The following SLC26A6 variants were observed in gnomAD, a reference collection of about 807,000 sequenced individuals.
SLC26A6 encodes solute carrier family 26 member 6, also known as anion exchange transporter.
In SLC26A6, 67 loss-of-function variants were observed where a neutral mutation model predicts 87.1. That is an observed-to-expected ratio of 0.77 (90% confidence interval 0.63 to 0.94). The LOEUF is 0.94. Among genes scored for constraint, SLC26A6 ranks in the 40% least tolerant of loss-of-function variants. SLC26A6 has a pLI of 0.00. For synonymous variants in SLC26A6, 414 were observed against 405.9 expected (o/e 1.02, Z -0.24); for missense variants, 902 against 973.0 (o/e 0.93, Z 0.97).
intron 19 of SLC26A6, 78 bp from the exon 20 acceptor site, chr3:48,626,432 G>A: frequency 6.3e-7 from 1 of 1,599,840 alleles, no homozygotes; most frequent in Non-Finnish European, 8.5e-7. Flanking sequence ...AGAATGCCCT[G>A]ACCTCATCAC....
chr3:48,626,046 A>G lies in SLC26A6; in HGVS notation c.2266-46T>C, dbSNP rs1250986651. 4.3e-6 allele frequency: 7 copies of G among 1,613,528 alleles called. No homozygotes were observed. The East Asian group carries it at 6.7e-5, about 15-fold the overall frequency. ...AGGCTCTAGTCAGTTTCCAAAGGACACAGACCAACCCCCGCCCCTAGAACA... is the reference window on the plus strand; with the variant it reads ...AGGCTCTAGTCAGTTTCCAAAGGACGCAGACCAACCCCCGCCCCTAGAACA... On this transcript the variant is annotated intron_variant, in intron 20 of 20. Transcript: ENST00000395550.
At position 48,625,962 on chromosome 3, in the gene SLC26A6, A is replaced by G. The variant is rs1559463054; in HGVS notation, c.*24T>C. 1 of 1,613,802 alleles carries G rather than the reference A, an allele frequency of 6.2e-7. No individual in the cohort carries two copies. Among genetic ancestry groups the G allele is most frequent in the Non-Finnish European group, 8.5e-7 (1 of 1,179,960 alleles). On this transcript the variant is annotated 3_prime_UTR_variant, in exon 21 of 21. Transcript: ENST00000395550. This position sits in a 1 kb window ranked among gnomAD's most constrained non-coding sequence, Gnocchi z 4.7. ...GGGTGCCCTGCACCTCCAGAGGTGC[A>G]GTCTTGGGCAGGATGTAGCATGTTC... is the stretch of plus-strand genomic sequence containing the variant.
Position 48,628,265 on chromosome 3 carries a change from G to T in SLC26A6, c.1800+169C>A. 2 of 886,006 alleles carry T rather than the reference G, an allele frequency of 2.3e-6. No homozygotes were observed. Among genetic ancestry groups the T allele is most frequent in the Non-Finnish European group, 3.4e-6 (2 of 583,228 alleles). The allele number at this position is 886,006 out of a possible 1,614,324, so 54.9% of individuals were successfully genotyped here. On this transcript the variant is annotated intron_variant, in intron 16 of 20. Transcript: ENST00000395550. The surrounding 1 kb of genome is among the most constrained non-coding windows in gnomAD (Gnocchi z 4.4). Reference sequence around the variant, plus strand: ...TTCAGATGATGGGAGAGAAAATGCTGCCTAGAGCCCGGACCTGCTAGGGGA... The same window carrying T: ...TTCAGATGATGGGAGAGAAAATGCTTCCTAGAGCCCGGACCTGCTAGGGGA...
At chr3:48,632,866 A>G in intron 4 of SLC26A6, 108 bp downstream of exon 4, 1 of 1,100,292 alleles carries the variant, frequency 9.1e-7, no homozygotes, top group Non-Finnish European at 1.4e-6. Context: ...TGCAGCACCA[A>G]TGCTGCCCTC....
intron 3 of SLC26A6, 29 bp from the exon 4 acceptor site, chr3:48,633,113 C>G (rs2046856600): frequency 6.3e-7 from 1 of 1,599,472 alleles, no homozygotes; most frequent in African/African-American, 1.3e-5. Flanking sequence ...CAGTGCAGGC[C>G]TGGAGAGCAG....
intron 19 of SLC26A6, 74 bp from the exon 20 acceptor site, chr3:48,626,428 C>A: frequency 1.2e-6 from 2 of 1,602,768 alleles, no homozygotes; most frequent in Non-Finnish European, 8.5e-7. Flanking sequence ...CAACAGAATG[C>A]CCTGACCTCA....
In SLC26A6 at chr3:48,634,686, G is replaced by A. The variant is rs2046904714; in HGVS notation, c.23+685C>T. On this transcript the variant is annotated intron_variant, in intron 1 of 20. Coordinates refer to ENST00000395550, the MANE Select transcript of SLC26A6 (RefSeq NM_022911.3). ...TCAGGAAAGTTCTGATCTAGGAAAA[G>A]CCCTGACCTGGGGAGAGGATCCCAT... is the stretch of plus-strand genomic sequence containing the variant. The A allele has an allele frequency of 7.1e-6, 7 of 981,942 alleles. No homozygotes were observed. In the South Asian group the frequency reaches 1.4e-4, roughly 20 times the overall value. The allele number at this position is 981,942 out of a possible 1,614,324, so 60.8% of individuals were successfully genotyped here.
intron 19 of SLC26A6, 65 bp from the exon 20 acceptor site, chr3:48,626,419 A>C: frequency 1.2e-6 from 2 of 1,608,912 alleles, no homozygotes; most frequent in Middle Eastern, 3.3e-4. Flanking sequence ...CCCGGGAGCC[A>C]ACAGAATGCC....
At position 48,634,000 on chromosome 3, in the gene SLC26A6, C is replaced by T. The variant is rs966848725; in HGVS notation, c.24-365G>A. The stretch of plus-strand genomic sequence containing the variant: ...CCTCTCCAGTCCCCAGGTCCTCCTC[C>T]AGCTGCCCCGGGAGCCCACTGCTGG... On this transcript the variant is annotated intron_variant, in intron 1 of 20. Coordinates refer to ENST00000395550, the MANE Select transcript of SLC26A6 (RefSeq NM_022911.3). The T allele has an allele frequency of 6.0e-6, 3 of 502,796 alleles. No homozygotes were observed. In the Admixed American group the frequency reaches 1.5e-4, roughly 25 times the overall value. The allele number at this position is 502,796 out of a possible 1,614,324, so 31.1% of individuals were successfully genotyped here.
Position 48,628,167 on chromosome 3 carries a change from G to T in SLC26A6, c.1801-129C>A. 1 of 886,352 alleles carries T rather than the reference G, an allele frequency of 1.1e-6. No homozygotes were observed. Among genetic ancestry groups the T allele is most frequent in the Non-Finnish European group, 1.7e-6 (1 of 581,916 alleles). 54.9% of individuals were successfully genotyped at this position (886,352 alleles called of 1,614,324 possible). A position where few individuals can be genotyped will look rare whatever the true frequency, so the allele number is the denominator to read the frequency against. On this transcript the variant is annotated intron_variant, in intron 16 of 20. Coordinates refer to ENST00000395550, the MANE Select transcript of SLC26A6 (RefSeq NM_022911.3). This position sits in a 1 kb window ranked among gnomAD's most constrained non-coding sequence, Gnocchi z 4.4. ...GCCAGGACCAGAAGCTGTGGGACCT[G>T]CAGCAGCCAGGCTGAAGCTCCTGGA... is the stretch of plus-strand genomic sequence containing the variant.
rs1181740186 is a variant in SLC26A6 at position 48,631,735 on chromosome 3, CCA to C, written c.815_816del (p.Val272GlyfsTer13). The C allele has an allele frequency of 5.0e-6, 8 of 1,613,604 alleles. No individual in the cohort carries two copies. The highest frequency in any genetic ancestry group is 5.9e-6 in the Non-Finnish European group (7 of 1,180,028). On this transcript the variant is annotated frameshift_variant, in exon 7 of 21. Transcript: ENST00000395550. LOFTEE classifies it high-confidence loss of function. ...SKVGTVVTAAVAGVVLVVVKL... is the reference protein window; with the variant it reads ...SKVGTVVTAAXAGVVLVVVKL... The stretch of plus-strand genomic sequence containing the variant: ...TTCACCACCACGAGCACCACCCCAG[CCA>C]CAGCTGCAGTGACCACGGTGCCAAC...
At chr3:48,627,913 A>G in intron 17 of SLC26A6, 33 bp downstream of exon 17, 1 of 1,566,114 alleles carries the variant, frequency 6.4e-7, no homozygotes, top group Non-Finnish European at 8.6e-7. Flanking sequence ...TGCAGCTCAC[A>G]GCTGTCACCT....
At position 48,630,527 on chromosome 3, in the gene SLC26A6, G is replaced by A. The variant is rs1169784760; in HGVS notation, c.1249-12C>T. The A allele has an allele frequency of 6.4e-7, 1 of 1,559,384 alleles. No individual in the cohort carries two copies. The highest frequency in any genetic ancestry group is 1.2e-5 in the South Asian group (1 of 84,698). On this transcript the variant is annotated splice_polypyrimidine_tract_variant and intron_variant, in intron 10 of 20. Transcript: ENST00000395550. ...ATGGCTCCAGCAACCTGTTCGGGGAGGGAGTGAGCAGGGGAGAGACCTCCT... is the reference window on the plus strand; with the variant it reads ...ATGGCTCCAGCAACCTGTTCGGGGAAGGAGTGAGCAGGGGAGAGACCTCCT...
intron 17 of SLC26A6, 181 bp from the exon 18 acceptor site, chr3:48,627,236 G>A (rs1374458458): frequency 7.1e-6 from 5 of 705,040 alleles, no homozygotes; most frequent in East Asian, 5.4e-5. Flanking sequence ...GTGGGGACAT[G>A]CAGGAGGGCA....
intron 18 of SLC26A6, 30 bp from the exon 19 acceptor site, chr3:48,626,715 G>T: frequency 6.2e-7 from 1 of 1,613,580 alleles, no homozygotes; most frequent in Non-Finnish European, 8.5e-7. Flanking sequence ...CAGCCTCAGA[G>T]GGAGGCTCAG....
intron 3 of SLC26A6, 44 bp from the exon 4 acceptor site, chr3:48,633,128 TGAAAC>T (rs755730624): frequency 1.9e-6 from 3 of 1,590,856 alleles, no homozygotes; most frequent in Non-Finnish European, 2.6e-6. Context: ...GAGCAGATCT[TGAAAC>T]GATAAGGGAA....
chr3:48,633,395 G>A lies in SLC26A6; in HGVS notation c.183-5C>T, dbSNP rs577546674. On this transcript the variant is annotated splice_region_variant and splice_polypyrimidine_tract_variant and intron_variant, in intron 2 of 20. Transcript: ENST00000395550. ...TAGGCCCGAGCACGGGAGCACCTAGGGACATGATATGAGGGGTAGGTGTCA... is the reference window on the plus strand; with the variant it reads ...TAGGCCCGAGCACGGGAGCACCTAGAGACATGATATGAGGGGTAGGTGTCA... 3.1e-6 allele frequency: 5 copies of A among 1,613,156 alleles called. No individual in the cohort carries two copies. Among genetic ancestry groups the A allele is most frequent in the East Asian group, 2.2e-5 (1 of 44,896 alleles).
At chr3:48,632,910 C>T (rs2046846094) in intron 4 of SLC26A6, 64 bp downstream of exon 4, 3 of 1,501,082 alleles carry the variant, frequency 2.0e-6, no homozygotes, top group African/African-American at 2.7e-5. Context: ...TCAGTGCCCC[C>T]TCACCCTGCC....
At chr3:48,627,219 CAG>C (rs777475586) in intron 17 of SLC26A6, 164 bp from the exon 18 acceptor site, 44 of 821,328 alleles carry the variant, frequency 5.4e-5, no homozygotes, top group Non-Finnish European at 8.2e-5. Context: ...ACAGGAATGA[CAG>C]ATGTGTGGGG....
Sources: allele counts gnomAD v4.1 joint callset, GRCh38; gene constraint gnomAD v4.1.1; non-coding constraint Gnocchi (gnomAD v3.1); transcripts MANE v1.5; gene names NCBI Gene and HGNC (gene_info 2026-07-23, HGNC 2026-07-21).